Variants in NOS1AP observed in about 807,000 individuals in gnomAD.
The protein encoded by NOS1AP is carboxyl-terminal PDZ ligand of neuronal nitric oxide synthase protein.
NOS1AP carries 21 observed loss-of-function variants against 56.2 expected under a neutral mutation model. That is an observed-to-expected ratio of 0.37 (90% CI 0.26 to 0.54). NOS1AP has a LOEUF of 0.54. Ranked by LOEUF, NOS1AP falls within the 20% of genes least tolerant of loss-of-function variation. The pLI is 0.84. For missense variants in NOS1AP, 522 were observed against 657.8 expected, an observed-to-expected ratio of 0.79 and a Z score of 2.26; for synonymous variants, 270 against 274.6, an observed-to-expected ratio of 0.98 and a Z score of 0.17.
At chr1:162,210,413 C>T (rs756320719) in intron 2 of NOS1AP, among the ~76,000 whole-genome samples, 4 of 152,220 alleles carry the variant, frequency 2.6e-5, no homozygotes, top group Non-Finnish European at 4.4e-5. Context: ...TTCTGTCTAT[C>T]TCCCCATGGC....
At chr1:162,107,123 T>C (rs1647544586) in intron 1 of NOS1AP, among the ~76,000 whole-genome samples, 1 of 152,134 alleles carries the variant, frequency 6.6e-6, no homozygotes, top group Admixed American at 6.5e-5. Flanking sequence ...TGTCATGATA[T>C]ATTAAGTGAA....
chr1:162,200,355 A>G (rs1651954081), intron 2 of NOS1AP, among the ~76,000 whole-genome samples: 1 of 152,248 alleles, frequency 6.6e-6, no homozygotes, highest in South Asian at 2.1e-4. Flanking sequence ...GTAATCTTAA[A>G]GCATCTCTCT....
At chr1:162,361,515 C>G (rs1442310561) in intron 8 of NOS1AP, among the ~76,000 whole-genome samples, 1 of 152,226 alleles carries the variant, frequency 6.6e-6, no homozygotes, top group African/African-American at 2.4e-5. Context: ...TCCTGCAGCA[C>G]AGCCTGCCAC....
intron 2 of NOS1AP, among the ~76,000 whole-genome samples, chr1:162,172,367 C>T (rs1344515059): frequency 1.3e-5 from 2 of 152,216 alleles, no homozygotes. Flanking sequence ...ATGGCAGTCA[C>T]AGAGACTCTT....
At chr1:162,109,012 A>G (rs1337412087) in intron 1 of NOS1AP, among the ~76,000 whole-genome samples, 4 of 152,224 alleles carry the variant, frequency 2.6e-5, no homozygotes, top group Non-Finnish European at 5.9e-5. Context: ...GGCAAAGGAG[A>G]AGCAAAGGCA....
At chr1:162,215,646 C>T (rs1652544569) in intron 2 of NOS1AP, among the ~76,000 whole-genome samples, 1 of 152,206 alleles carries the variant, frequency 6.6e-6, no homozygotes, top group Non-Finnish European at 1.5e-5. Context: ...AACAGATGCT[C>T]TCCCAGCAGG....
intron 1 of NOS1AP, among the ~76,000 whole-genome samples, chr1:162,127,315 G>A (rs74125910): frequency 0.018 from 2,762 of 152,054 alleles, 92 homozygotes; most frequent in African/African-American, 0.063. Context: ...CAATGACCTC[G>A]TATTCTCCAT....
intron 2 of NOS1AP, among the ~76,000 whole-genome samples, chr1:162,177,132 A>G (rs1377665609): frequency 2.6e-5 from 4 of 152,054 alleles, no homozygotes; most frequent in Non-Finnish European, 5.9e-5. Context: ...GTAAGCATTG[A>G]CCACCCTTCT....
intron 2 of NOS1AP, among the ~76,000 whole-genome samples, chr1:162,165,308 C>T (rs761717343): frequency 5.3e-5 from 8 of 151,756 alleles, no homozygotes; most frequent in Non-Finnish European, 1.2e-4. Flanking sequence ...GTAACAAGAG[C>T]GAAACTCTGT....
chr1:162,112,204 G>A (rs1166479958), intron 1 of NOS1AP, among the ~76,000 whole-genome samples: 1 of 152,154 alleles, frequency 6.6e-6, no homozygotes, highest in Non-Finnish European at 1.5e-5. Context: ...CTCCCTCTCT[G>A]ATGGTTGGGA....
intron 1 of NOS1AP, among the ~76,000 whole-genome samples, chr1:162,109,137 C>A (rs1203933414): frequency 6.6e-6 from 1 of 152,190 alleles, no homozygotes; most frequent in Non-Finnish European, 1.5e-5. Flanking sequence ...GAGACCACCC[C>A]TATGATTCAA....
chr1:162,078,562 T>G (rs1290085755), intron 1 of NOS1AP, among the ~76,000 whole-genome samples: 2 of 152,072 alleles, frequency 1.3e-5, no homozygotes, highest in Non-Finnish European at 2.9e-5. Flanking sequence ...TCCCCTGTTA[T>G]CAGGGCCATC....
intron 3 of NOS1AP, among the ~76,000 whole-genome samples, chr1:162,289,207 CCTTT>C (rs1394955504): frequency 4.2e-5 from 5 of 118,554 alleles, no homozygotes; most frequent in Admixed American, 9.1e-5. Context: ...TTCCTTCCTT[CCTTT>C]CCTTCCTTCC....
chr1:162,139,935 A>C (rs905294543), intron 1 of NOS1AP, among the ~76,000 whole-genome samples: 3 of 151,948 alleles, frequency 2.0e-5, no homozygotes, highest in African/African-American at 4.8e-5. Context: ...TCAAGTGATT[A>C]TCATGCCTCA....
intron 3 of NOS1AP, among the ~76,000 whole-genome samples, chr1:162,296,276 ACT>A (rs1557867870): frequency 6.6e-6 from 1 of 151,984 alleles, no homozygotes; most frequent in East Asian, 1.9e-4. Flanking sequence ...ACAGAGCGAG[ACT>A]CTGTCTCAAA....
intron 1 of NOS1AP, among the ~76,000 whole-genome samples, chr1:162,128,284 A>T (rs74913531): frequency 0.023 from 3,439 of 152,212 alleles, 146 homozygotes; most frequent in African/African-American, 0.079. Flanking sequence ...TTTTTTCTCC[A>T]CTAAATGAAA....
chr1:162,279,530 A>G (rs1654850954), intron 2 of NOS1AP, among the ~76,000 whole-genome samples: 1 of 152,124 alleles, frequency 6.6e-6, no homozygotes, highest in Admixed American at 6.5e-5. Flanking sequence ...GAGCTTGAAT[A>G]TTTCCTGCCC....
intron 2 of NOS1AP, among the ~76,000 whole-genome samples, chr1:162,220,555 C>T (rs750398750): frequency 6.6e-6 from 1 of 152,156 alleles, no homozygotes; most frequent in Non-Finnish European, 1.5e-5. Context: ...GCAATCTGGA[C>T]TTGGAGTCTC....
chr1:162,250,230 A>G (rs937397922), intron 2 of NOS1AP, among the ~76,000 whole-genome samples: 4 of 152,294 alleles, frequency 2.6e-5, no homozygotes, highest in African/African-American at 9.6e-5. Context: ...TTCTGTTTAT[A>G]CAGACATCCT....
Sources: gnomAD v4.1 joint callset for allele counts (sites outside exome capture counted in the v4.1 genomes callset) on GRCh38, gnomAD v4.1.1 for gene constraint, MANE v1.5 for transcripts, NCBI Gene and HGNC (gene_info 2026-07-23, HGNC 2026-07-21) for gene names.